The following MYLK3 variants were observed in gnomAD, a reference collection of about 807,000 sequenced individuals.
The protein encoded by MYLK3 is MLC kinase.
Under a neutral mutation model 76.3 loss-of-function variants are expected in MYLK3, and 55 were observed. That is an observed-to-expected ratio of 0.72 (90% CI 0.58 to 0.90). The LOEUF (loss-of-function observed/expected upper bound fraction) is 0.90. MYLK3 is among the 40% of genes least tolerant of loss of function. MYLK3 has a pLI of 0.00. For synonymous variants in MYLK3, 416 were observed against 425.4 expected (o/e 0.98, Z 0.27); for missense variants, 973 against 1,053.6 (o/e 0.92, Z 1.06).
chr16:46,710,032 T>C (rs1966667123), intron 11 of MYLK3, among the ~76,000 whole-genome samples: 1 of 152,256 alleles, frequency 6.6e-6, no homozygotes, highest in Non-Finnish European at 1.5e-5. Flanking sequence ...TCATTTCTCC[T>C]TCCAGAGTAT....
intron 12 of MYLK3, among the ~76,000 whole-genome samples, chr16:46,708,643 G>T (rs1293188779): frequency 1.3e-5 from 2 of 152,038 alleles, no homozygotes; most frequent in Non-Finnish European, 2.9e-5. Flanking sequence ...TGTGTTTCCC[G>T]GTAAGTGTGT....
upstream of MYLK3, among the ~76,000 whole-genome samples, chr16:46,750,513 G>A (rs1014499799): frequency 3.3e-5 from 5 of 152,150 alleles, no homozygotes; most frequent in African/African-American, 1.2e-4. Context: ...GGCCAACATG[G>A]TGAAACACCG....
intron 1 of MYLK3, among the ~76,000 whole-genome samples, chr16:46,760,373 C>G (rs998242963): frequency 6.6e-6 from 1 of 152,264 alleles, no homozygotes; most frequent in Non-Finnish European, 1.5e-5. Context: ...TAACTCACTT[C>G]TCTCAGCCCT....
Position 46,747,900 on chromosome 16 carries a change from C to A in MYLK3, c.294G>T (p.Arg98Ser), listed in dbSNP as rs763348735. 1.2e-6 allele frequency: 2 copies of A among 1,613,912 alleles called. No individual in the cohort carries two copies. The highest frequency in any genetic ancestry group is 1.1e-5 in the South Asian group (1 of 91,082). The change falls in exon 1 of 13, where the codon AGG (arginine) becomes AGT (serine). Residue 98 changes from arginine (R) to serine (S), a missense_variant. Around this residue, in one of 2 missense-constraint regions of MYLK3, gnomAD observed 641 missense variants for 637.0 expected, o/e 1.01. Transcript: ENST00000394809. ...GCTGGGCCGCATCCTGCTGCATGGC[C>A]CTCACCAGCTCCAGGACCTCGGGCC... ...AGWPEVLELV[R>S]AMQQDAAQHG...
At chr16:46,711,623 G>T (rs904672125) in intron 10 of MYLK3, 2 of 432,738 alleles carry the variant, frequency 4.6e-6, no homozygotes, top group Admixed American at 2.6e-5. Flanking sequence ...CAATCCTCCC[G>T]CCACAGCTTC....
chr16:46,745,705 C>A (rs1452221331), intron 1 of MYLK3, among the ~76,000 whole-genome samples: 1 of 152,168 alleles, frequency 6.6e-6, no homozygotes, highest in East Asian at 1.9e-4. Flanking sequence ...GAGATCGCGC[C>A]ATTGAACTCC....
intron 3 of MYLK3, among the ~76,000 whole-genome samples, chr16:46,734,267 C>T (rs1966859047): frequency 6.6e-6 from 1 of 152,204 alleles, no homozygotes; most frequent in Admixed American, 6.5e-5. Context: ...CACACTACAG[C>T]ATCGATGGAC....
intron 7 of MYLK3, 129 bp from the exon 8 acceptor site, chr16:46,727,506 T>C (rs1966845073): frequency 2.0e-6 from 2 of 980,716 alleles, no homozygotes; most frequent in Middle Eastern, 2.3e-4. Context: ...GTCACAGGGC[T>C]GCTGCCACTG....
In MYLK3 at chr16:46,704,830, A is replaced by G. The variant is rs1966609443; in HGVS notation, c.*2874T>C. ...TTAAGTCGAAAACAGGGTATGAACC[A>G]CAATAGAACTATAAAATATACTCTC... On this transcript the variant is annotated 3_prime_UTR_variant, in exon 13 of 13. Coordinates refer to ENST00000394809, the MANE Select transcript of MYLK3 (RefSeq NM_182493.3). The G allele has an allele frequency of 1.3e-5, 2 of 152,248 alleles. No individual in the cohort carries two copies. 9.4% of individuals were successfully genotyped at this position (152,248 alleles called of 1,614,324 possible).
intron 9 of MYLK3, among the ~76,000 whole-genome samples, chr16:46,714,772 A>G (rs1193232506): frequency 6.6e-6 from 1 of 152,074 alleles, no homozygotes; most frequent in African/African-American, 2.4e-5. Context: ...CTCCTTCACC[A>G]TCACCATGAG....
intron 3 of MYLK3, among the ~76,000 whole-genome samples, 173 bp downstream of exon 3, chr16:46,737,538 C>T (rs917606707): frequency 6.6e-6 from 1 of 152,252 alleles, no homozygotes; most frequent in South Asian, 2.1e-4. Flanking sequence ...TAGTGGGCAG[C>T]CGGTGAGCAC....
At chr16:46,708,067 G>A (rs570988080) in intron 12 of MYLK3, among the ~76,000 whole-genome samples, 6 of 151,942 alleles carry the variant, frequency 3.9e-5, no homozygotes, top group African/African-American at 1.4e-4. Context: ...GTGCAGTGGC[G>A]TGATCTTGGC....
At chr16:46,761,033 A>C (rs1234634269) in intron 1 of MYLK3, among the ~76,000 whole-genome samples, 1 of 152,224 alleles carries the variant, frequency 6.6e-6, no homozygotes, top group Non-Finnish European at 1.5e-5. Flanking sequence ...ACTCAGCCAC[A>C]TGGTGCCAGC....
rs1324199354 is a variant in MYLK3 at position 46,709,610 on chromosome 16, C to T, written c.2329G>A (p.Ala777Thr). The T allele has an allele frequency of 3.7e-6, 6 of 1,614,156 alleles. No homozygotes were observed. The highest frequency in any genetic ancestry group is 3.3e-5 in the Admixed American group (2 of 60,014). The stretch of plus-strand genomic sequence containing the variant: ...TTGAGACGAGTTTTGGATCTTGAAG[C>T]TTTGGCAGGCAAATTATTCAGCCAC... ...HEWLNNLPAKASRSKTRLKSQ... is the reference protein window; with the variant it reads ...HEWLNNLPAKTSRSKTRLKSQ... The change falls in exon 12 of 13, where the codon GCT becomes ACT. Residue 777 changes from alanine (A) to threonine (T), a missense_variant. Ala to Thr is a moderately conservative substitution (Grantham distance 58). Around this residue, in one of 2 missense-constraint regions of MYLK3, gnomAD observed 332 missense variants for 416.6 expected, o/e 0.80. Coordinates refer to ENST00000394809, the MANE Select transcript of MYLK3 (RefSeq NM_182493.3).
chr16:46,754,375 T>C (rs1426433510), intron 1 of MYLK3, among the ~76,000 whole-genome samples: 2 of 151,980 alleles, frequency 1.3e-5, no homozygotes, highest in Non-Finnish European at 2.9e-5. Flanking sequence ...CAAAATTTAA[T>C]CCCAGTGTGG....
chr16:46,722,445 A>G (rs554990616), intron 8 of MYLK3, among the ~76,000 whole-genome samples: 1 of 152,330 alleles, frequency 6.6e-6, no homozygotes, highest in Non-Finnish European at 1.5e-5. Context: ...GTTTCTCCCA[A>G]CAGAAGTTTT....
At chr16:46,718,580 C>T (rs909170042) in intron 9 of MYLK3, among the ~76,000 whole-genome samples, 8 of 152,228 alleles carry the variant, frequency 5.3e-5, no homozygotes, top group African/African-American at 1.9e-4. Flanking sequence ...CGCGGCTCTG[C>T]ATCCAGGGGC....
At chr16:46,748,593 G>C (rs569165803), upstream of MYLK3, among the ~76,000 whole-genome samples, 3 of 152,194 alleles carry the variant, frequency 2.0e-5, no homozygotes, top group South Asian at 6.2e-4. The surrounding 1 kb of genome is among the most constrained non-coding windows in gnomAD (Gnocchi z 4.3). Context: ...TTTGGAGAAC[G>C]GCACCTGCCA....
intron 1 of MYLK3, among the ~76,000 whole-genome samples, chr16:46,759,807 A>AT (rs1305881088): frequency 6.6e-6 from 1 of 151,762 alleles, no homozygotes; most frequent in East Asian, 1.9e-4. Context: ...AATTTTTTGT[A>AT]TTTTTAGTAG....
Sources: gnomAD v4.1 joint callset for allele counts (sites outside exome capture counted in the v4.1 genomes callset) on GRCh38, gnomAD v4.1.1 for gene constraint, gnomAD v4.1.1 regional missense constraint, Gnocchi (gnomAD v3.1) non-coding constraint, MANE v1.5 for transcripts, NCBI Gene and HGNC (gene_info 2026-07-23, HGNC 2026-07-21) for gene names.